DGKI: variants seen among roughly 807,000 people sequenced by gnomAD.
The protein encoded by DGKI is DAG kinase iota.
In DGKI, 55 loss-of-function variants were observed where a neutral mutation model predicts 147.5. The ratio of observed to expected loss-of-function variants is 0.37; its 90% CI spans 0.30 to 0.47. The LOEUF is 0.47. DGKI is among the 20% of genes least tolerant of loss of function. DGKI has a pLI of 1.00. For missense variants in DGKI, 1,007 were observed against 1,323.8 expected, an observed-to-expected ratio of 0.76 and a Z score of 3.71; for synonymous variants, 469 against 477.1, an observed-to-expected ratio of 0.98 and a Z score of 0.22.
chr7:137,846,431 C>A lies in DGKI; in HGVS notation c.401+31G>T, dbSNP rs765661546. The A allele has an allele frequency of 1.4e-5, 21 of 1,534,128 alleles. No homozygotes were observed. Among genetic ancestry groups the A allele is most frequent in the Non-Finnish European group, 1.5e-5 (17 of 1,128,882 alleles). On this transcript the variant is annotated intron_variant, in intron 1 of 32. Transcript: ENST00000614521. The surrounding 1 kb of genome is among the most constrained non-coding windows in gnomAD (Gnocchi z 4.0). ...AGAGTGGGTCTCCCGCCGCGGCGCA[C>A]CTGTCTCGGCTGCCGGCTCCCCGCA...
At chr7:137,724,138 T>C (rs1227609050) in intron 1 of DGKI, among the ~76,000 whole-genome samples, 1 of 152,004 alleles carries the variant, frequency 6.6e-6, no homozygotes, top group East Asian at 1.9e-4. Context: ...TAACTTGAAA[T>C]GCAAAGTCCC....
At chr7:137,557,268 T>C (rs1343346480) in intron 19 of DGKI, among the ~76,000 whole-genome samples, 1 of 152,140 alleles carries the variant, frequency 6.6e-6, no homozygotes, top group African/African-American at 2.4e-5. Context: ...AGGATAAAGA[T>C]CCACAAATTA....
intron 20 of DGKI, among the ~76,000 whole-genome samples, chr7:137,534,336 T>C (rs1057391177): frequency 1.3e-5 from 2 of 152,112 alleles, no homozygotes; most frequent in Admixed American, 1.3e-4. Flanking sequence ...ATATTTAGGT[T>C]TTTTGTTTTG....
chr7:137,482,490 C>G (rs550598501), intron 23 of DGKI, among the ~76,000 whole-genome samples: 31 of 151,868 alleles, frequency 2.0e-4, no homozygotes, highest in Non-Finnish European at 4.1e-4. Flanking sequence ...ATTTCTATCT[C>G]TGGGCCTGAA....
intron 8 of DGKI, among the ~76,000 whole-genome samples, chr7:137,619,460 C>T (rs987560024): frequency 1.4e-4 from 21 of 152,198 alleles, no homozygotes; most frequent in Admixed American, 1.2e-3. Context: ...CACACTGACC[C>T]TCTGGGAATG....
chr7:137,772,672 C>T (rs1029539187), intron 1 of DGKI, among the ~76,000 whole-genome samples: 1 of 152,156 alleles, frequency 6.6e-6, no homozygotes, highest in African/African-American at 2.4e-5. Flanking sequence ...AAAAAGAATG[C>T]CAGTTTCAAA....
intron 12 of DGKI, among the ~76,000 whole-genome samples, chr7:137,594,208 G>A (rs946080429): frequency 8.6e-5 from 13 of 151,998 alleles, no homozygotes; most frequent in African/African-American, 2.9e-4. Flanking sequence ...CACCATGCCC[G>A]ACTAATTTTT....
intron 1 of DGKI, among the ~76,000 whole-genome samples, chr7:137,805,637 A>T (rs1169603729): frequency 1.3e-5 from 2 of 152,246 alleles, no homozygotes; most frequent in African/African-American, 4.8e-5. Context: ...AAACCCTGCC[A>T]TATGAAAGCT....
intron 3 of DGKI, among the ~76,000 whole-genome samples, chr7:137,662,240 CT>C (rs1170356266): frequency 0.028 from 3,534 of 126,390 alleles, 130 homozygotes; most frequent in African/African-American, 0.092. Context: ...CAGCACACTC[CT>C]TTTTTTTTTT....
chr7:137,441,885 T>C (rs1378152339), intron 28 of DGKI, among the ~76,000 whole-genome samples: 1 of 152,170 alleles, frequency 6.6e-6, no homozygotes, highest in African/African-American at 2.4e-5. Flanking sequence ...TGTGTACAAA[T>C]AATATGTAAG....
At chr7:137,581,278 G>A (rs1819180593) in intron 15 of DGKI, among the ~76,000 whole-genome samples, 1 of 152,042 alleles carries the variant, frequency 6.6e-6, no homozygotes, top group African/African-American at 2.4e-5. Context: ...ATCATCCAGT[G>A]GGGATCCCTA....
chr7:137,769,425 G>C (rs1377423379), intron 1 of DGKI, among the ~76,000 whole-genome samples: 3 of 152,116 alleles, frequency 2.0e-5, no homozygotes, highest in African/African-American at 7.2e-5. Flanking sequence ...TAACAATTAA[G>C]AATTAGTTTT....
intron 1 of DGKI, among the ~76,000 whole-genome samples, chr7:137,769,709 C>G (rs937280453): frequency 6.6e-6 from 1 of 152,130 alleles, no homozygotes; most frequent in Non-Finnish European, 1.5e-5. Flanking sequence ...ATGCGGCCAA[C>G]AAACATGAAA....
At chr7:137,401,240 A>T (rs1053613517) in intron 30 of DGKI, among the ~76,000 whole-genome samples, 3 of 152,166 alleles carry the variant, frequency 2.0e-5, no homozygotes, top group Non-Finnish European at 4.4e-5. Context: ...GAGAGAAAAA[A>T]ATAAAGACTA....
chr7:137,842,970 A>T (rs1798590348), intron 1 of DGKI, among the ~76,000 whole-genome samples: 2 of 152,152 alleles, frequency 1.3e-5, no homozygotes, highest in South Asian at 4.1e-4. Flanking sequence ...GCCTAAAATA[A>T]ATGTTTAGGG....
chr7:137,570,175 G>C (rs1016719768), intron 19 of DGKI, among the ~76,000 whole-genome samples: 1 of 152,108 alleles, frequency 6.6e-6, no homozygotes, highest in Non-Finnish European at 1.5e-5. Flanking sequence ...GTGACAAGCA[G>C]AAGCTTTGTT....
chr7:137,440,376 G>A (rs1731914), intron 28 of DGKI, among the ~76,000 whole-genome samples: 7,345 of 152,226 alleles, frequency 0.048, 591 homozygotes, highest in African/African-American at 0.17. Flanking sequence ...ATCATTACCA[G>A]CAGGAGGGAG....
chr7:137,788,030 C>T (rs965719404), intron 1 of DGKI, among the ~76,000 whole-genome samples: 1 of 152,070 alleles, frequency 6.6e-6, no homozygotes, highest in Non-Finnish European at 1.5e-5. Flanking sequence ...TCCCTAAAAA[C>T]CTATTGAAAT....
intron 1 of DGKI, among the ~76,000 whole-genome samples, chr7:137,819,671 C>T (rs1317658094): frequency 1.3e-5 from 2 of 152,218 alleles, no homozygotes; most frequent in East Asian, 3.9e-4. Flanking sequence ...AATATTTGAT[C>T]ATGGTTCTCT....
Sources: allele counts gnomAD v4.1 joint callset (sites outside exome capture counted in the v4.1 genomes callset), GRCh38; gene constraint gnomAD v4.1.1; non-coding constraint Gnocchi (gnomAD v3.1); transcripts MANE v1.5; gene names NCBI Gene and HGNC (gene_info 2026-07-23, HGNC 2026-07-21).